The following RORA variants were observed in gnomAD, a reference collection of about 807,000 sequenced individuals.
The protein encoded by RORA is RAR related orphan receptor A.
In RORA, 7 loss-of-function variants were observed where a neutral mutation model predicts 69.5. The observed-to-expected ratio is 0.10, with a 90% confidence interval of 0.06 to 0.19. RORA has a LOEUF of 0.19. Among genes scored for constraint, RORA ranks in the 10% least tolerant of loss-of-function variants. RORA has a pLI of 1.00. For missense variants in RORA, 457 were observed against 663.0 expected (o/e 0.69, Z 3.41); for synonymous variants, 261 against 240.8 (o/e 1.08, Z -0.78).
chr15:60,596,696 T>C (rs1352826596), intron 2 of RORA, among the ~76,000 whole-genome samples: 1 of 152,210 alleles, frequency 6.6e-6, no homozygotes, highest in Non-Finnish European at 1.5e-5. Flanking sequence ...GGAACTCTGC[T>C]GTTTATGAGT....
chr15:61,168,619 C>A (rs111800981), intron 1 of RORA, among the ~76,000 whole-genome samples: 53 of 152,102 alleles, frequency 3.5e-4, no homozygotes, highest in African/African-American at 1.3e-3. Flanking sequence ...TCTTAATGAG[C>A]GCTAGATCAC....
At position 60,643,525 on chromosome 15, in the gene RORA, A is replaced by G. The variant is rs1008324283; in HGVS notation, c.196+35132T>C. On this transcript the variant is annotated intron_variant, in intron 2 of 10. Transcript: ENST00000335670. ...GGGTTTGAGGATAGAAGATAAGAAG[A>G]TAAGGCTGGAGAGTTTAAGAGTTGT... Among the ~76,000 whole-genome samples the G allele has an allele frequency of 2.0e-5, 3 of 152,234 alleles. No homozygotes were observed. The South Asian group carries it at 6.2e-4, about 32-fold the overall frequency.
intron 2 of RORA, among the ~76,000 whole-genome samples, chr15:60,572,461 G>A (rs2067910364): frequency 6.6e-6 from 1 of 151,796 alleles, no homozygotes; most frequent in Non-Finnish European, 1.5e-5. Context: ...TAAATGCATG[G>A]CTATTATAGA....
chr15:60,906,502 C>T (rs181962027), intron 1 of RORA, among the ~76,000 whole-genome samples: 183 of 152,364 alleles, frequency 1.2e-3, no homozygotes, highest in African/African-American at 4.2e-3. Context: ...GGAAATCAAA[C>T]TGGCAGGGAG....
intron 1 of RORA, among the ~76,000 whole-genome samples, chr15:60,947,716 A>AAT (rs1892939735): frequency 6.8e-6 from 1 of 146,338 alleles, no homozygotes; most frequent in Non-Finnish European, 1.5e-5. Context: ...AAAAAATGAA[A>AAT]CAAAAAAGGG....
rs114919228 is a variant in RORA, at chr15:61,222,861, G to C, written c.166+6192C>G. The stretch of plus-strand genomic sequence containing the variant: ...AACCCTAGAGTTTCCTAACTTTCAG[G>C]ATTTAAGAGCCTCATGCCAAAGATA... On this transcript the variant is annotated intron_variant, in intron 1 of 10. Transcript: ENST00000335670. Among the ~76,000 whole-genome samples, 885 of 152,210 alleles carry C rather than the reference G, an allele frequency of 5.8e-3. 11 individuals carry two copies. Among genetic ancestry groups the C allele is most frequent in the African/African-American group, 0.021 (855 of 41,526 alleles).
chr15:60,627,017 G>A (rs1249258881), intron 2 of RORA, among the ~76,000 whole-genome samples: 2 of 152,182 alleles, frequency 1.3e-5, no homozygotes, highest in Admixed American at 1.3e-4. Context: ...CCACTTCACT[G>A]GTCACCTCCT....
At chr15:61,153,615 T>C (rs1046666293) in intron 1 of RORA, among the ~76,000 whole-genome samples, 4 of 152,192 alleles carry the variant, frequency 2.6e-5, no homozygotes, top group Non-Finnish European at 5.9e-5. Context: ...TCGACTTGAA[T>C]GTTTGGCTAT....
chr15:60,819,771 A>ACACACGCG lies in RORA; in HGVS notation c.167-141086_167-141085insCGCGTGTG, dbSNP rs1555455786. On this transcript the variant is annotated intron_variant, in intron 1 of 10. Coordinates refer to ENST00000335670, the MANE Select transcript of RORA (RefSeq NM_134261.3). ...GACACACACACACACACACACACAC[A>ACACACGCG]CACACACACACACACACACACACGG... is the stretch of plus-strand genomic sequence containing the variant. Among the ~76,000 whole-genome samples, 10 of 151,282 alleles carry ACACACGCG rather than the reference A, an allele frequency of 6.6e-5. 1 individual carries two copies. Among genetic ancestry groups the ACACACGCG allele is most frequent in the Non-Finnish European group, 1.0e-4 (7 of 67,742 alleles).
intron 2 of RORA, among the ~76,000 whole-genome samples, chr15:60,586,596 C>T (rs1235238294): frequency 6.6e-6 from 1 of 152,124 alleles, no homozygotes; most frequent in African/African-American, 2.4e-5. Context: ...ATTAAAAGTA[C>T]AAAGGAGAGA....
At chr15:60,554,345 C>T (rs1206180802) in intron 2 of RORA, among the ~76,000 whole-genome samples, 3 of 152,224 alleles carry the variant, frequency 2.0e-5, no homozygotes. Flanking sequence ...AAAAGATTGA[C>T]TCTTCCTATC....
intron 2 of RORA, among the ~76,000 whole-genome samples, chr15:60,675,093 C>T (rs750273597): frequency 1.9e-4 from 29 of 152,298 alleles, no homozygotes; most frequent in Non-Finnish European, 4.4e-5. Context: ...TTTGTTGCAT[C>T]TTTTCACCTC....
At chr15:60,703,053 G>C (rs1257552424) in intron 1 of RORA, among the ~76,000 whole-genome samples, 1 of 151,942 alleles carries the variant, frequency 6.6e-6, no homozygotes, top group Non-Finnish European at 1.5e-5. Context: ...CAAGGGAATA[G>C]ATGAACCCTG....
chr15:61,167,114 A>G (rs1418768244), intron 1 of RORA, among the ~76,000 whole-genome samples: 1 of 152,216 alleles, frequency 6.6e-6, no homozygotes, highest in East Asian at 1.9e-4. Flanking sequence ...TTCTTCTTGT[A>G]ATGACATCTA....
At chr15:61,027,691 C>G (rs1166713427) in intron 1 of RORA, among the ~76,000 whole-genome samples, 1 of 152,144 alleles carries the variant, frequency 6.6e-6, no homozygotes, top group East Asian at 1.9e-4. Context: ...TACTTTAAAT[C>G]TTGCAATTAA....
At chr15:60,636,988 C>T (rs1458880345) in intron 2 of RORA, among the ~76,000 whole-genome samples, 2 of 152,000 alleles carry the variant, frequency 1.3e-5, no homozygotes, top group African/African-American at 2.4e-5. Flanking sequence ...TAATAAAGGA[C>T]ATTCAGAGTG....
chr15:60,602,514 T>G (rs762960388), intron 2 of RORA, among the ~76,000 whole-genome samples: 3 of 152,226 alleles, frequency 2.0e-5, no homozygotes, highest in Admixed American at 6.5e-5. Context: ...AAGAAACTGT[T>G]TCCTGTCACC....
intron 1 of RORA, among the ~76,000 whole-genome samples, chr15:60,751,072 G>A (rs140972767): frequency 1.4e-4 from 22 of 152,328 alleles, no homozygotes; most frequent in African/African-American, 5.1e-4. Context: ...CCAAGACAGT[G>A]CAGAGGGCCT....
intron 1 of RORA, among the ~76,000 whole-genome samples, chr15:61,018,741 CAT>C (rs891222138): frequency 4.6e-5 from 7 of 152,116 alleles, no homozygotes; most frequent in African/African-American, 7.2e-5. Context: ...ACATATAACA[CAT>C]ATGAGTACGT....
Sources: allele counts gnomAD v4.1 joint callset (sites outside exome capture counted in the v4.1 genomes callset), GRCh38; gene constraint gnomAD v4.1.1; transcripts MANE v1.5; gene names NCBI Gene and HGNC (gene_info 2026-07-23, HGNC 2026-07-21).